Variants in ASCC3 observed in about 807,000 individuals in gnomAD.
The protein encoded by ASCC3 is ASC-1 complex subunit P200.
Under a neutral mutation model 256.3 loss-of-function variants are expected in ASCC3, and 158 were observed. The observed-to-expected ratio is 0.62, with a 90% CI of 0.54 to 0.70. The LOEUF (loss-of-function observed/expected upper bound fraction) is 0.70. ASCC3 is among the 30% of genes least tolerant of loss of function. The pLI is 0.00. For missense variants in ASCC3, 2,259 were observed against 2,626.0 expected, an observed-to-expected ratio of 0.86 and a Z score of 3.05; for synonymous variants, 948 against 883.4, an observed-to-expected ratio of 1.07 and a Z score of -1.30.
intron 16 of ASCC3, 79 bp downstream of exon 16, chr6:100,661,727 A>T: frequency 6.9e-7 from 1 of 1,449,584 alleles, no homozygotes; most frequent in Non-Finnish European, 9.7e-7. Flanking sequence ...ACAAAACAGC[A>T]ACCAACTCAA....
intron 34 of ASCC3, among the ~76,000 whole-genome samples, chr6:100,594,023 A>C (rs1304384237): frequency 6.6e-6 from 1 of 152,108 alleles, no homozygotes; most frequent in Non-Finnish European, 1.5e-5. Flanking sequence ...ATACACACAC[A>C]GACACACACA....
At chr6:100,653,800 T>TA (rs1775788105) in intron 17 of ASCC3, among the ~76,000 whole-genome samples, 1 of 152,044 alleles carries the variant, frequency 6.6e-6, no homozygotes, top group Non-Finnish European at 1.5e-5. Context: ...TAATAAAACA[T>TA]AAGATATTAA....
chr6:100,610,677 AT>A (rs1773347967), intron 30 of ASCC3, among the ~76,000 whole-genome samples: 1 of 152,150 alleles, frequency 6.6e-6, no homozygotes, highest in Non-Finnish European at 1.5e-5. Flanking sequence ...GTATTCTTGT[AT>A]TATTTACTTT....
At chr6:100,879,332 T>C (rs1769164587) in intron 1 of ASCC3, among the ~76,000 whole-genome samples, 1 of 152,284 alleles carries the variant, frequency 6.6e-6, no homozygotes, top group Admixed American at 6.5e-5. Context: ...CTTTGGCCAC[T>C]GGTGATCAAC....
intron 13 of ASCC3, among the ~76,000 whole-genome samples, chr6:100,713,424 C>T (rs1384202837): frequency 6.6e-6 from 1 of 152,074 alleles, no homozygotes; most frequent in African/African-American, 2.4e-5. Flanking sequence ...GACAGAAAAA[C>T]AGGCTTAACA....
chr6:100,680,293 C>T (rs1369349394), intron 13 of ASCC3, among the ~76,000 whole-genome samples: 4 of 152,132 alleles, frequency 2.6e-5, no homozygotes, highest in African/African-American at 7.2e-5. Context: ...CATGAAGTGA[C>T]TGGGGATATC....
intron 12 of ASCC3, among the ~76,000 whole-genome samples, chr6:100,716,543 C>T (rs949319504): frequency 8.6e-5 from 13 of 151,828 alleles, no homozygotes; most frequent in African/African-American, 2.9e-4. Flanking sequence ...TGACCTATAA[C>T]GGCTAAGTAG....
chr6:100,791,790 C>A (rs1033883094), intron 8 of ASCC3, among the ~76,000 whole-genome samples: 1 of 151,946 alleles, frequency 6.6e-6, no homozygotes, highest in Non-Finnish European at 1.5e-5. Flanking sequence ...CCAAACATGG[C>A]AAACTTGTTT....
chr6:100,609,691 G>A (rs1773294483), intron 30 of ASCC3, among the ~76,000 whole-genome samples: 1 of 152,050 alleles, frequency 6.6e-6, no homozygotes, highest in Admixed American at 6.6e-5. Flanking sequence ...ATCATGTAAG[G>A]TTTGAGGTCA....
chr6:100,599,607 T>C (rs1204064330), intron 34 of ASCC3, among the ~76,000 whole-genome samples: 1 of 151,924 alleles, frequency 6.6e-6, no homozygotes, highest in Non-Finnish European at 1.5e-5. Flanking sequence ...GGGTGAAGGG[T>C]ATACAGTGCT....
intron 10 of ASCC3, among the ~76,000 whole-genome samples, chr6:100,764,458 T>C (rs1781557302): frequency 6.6e-6 from 1 of 152,122 alleles, no homozygotes; most frequent in Non-Finnish European, 1.5e-5. Context: ...AAAGCAAAAA[T>C]GGCCTGACTA....
intron 30 of ASCC3, among the ~76,000 whole-genome samples, chr6:100,610,676 T>C (rs1240209408): frequency 1.3e-5 from 2 of 152,166 alleles, no homozygotes; most frequent in Non-Finnish European, 1.5e-5. Flanking sequence ...AGTATTCTTG[T>C]ATTATTTACT....
chr6:100,681,236 A>G (rs1328330701), intron 13 of ASCC3, among the ~76,000 whole-genome samples: 4 of 152,180 alleles, frequency 2.6e-5, no homozygotes, highest in African/African-American at 7.2e-5. Flanking sequence ...TAATTTGTAG[A>G]AGATAAGAAG....
At chr6:100,748,658 T>C (rs1362563722) in intron 10 of ASCC3, among the ~76,000 whole-genome samples, 1 of 152,042 alleles carries the variant, frequency 6.6e-6, no homozygotes. Context: ...CTGCTCAATA[T>C]TCCTTTAAAA....
intron 36 of ASCC3, among the ~76,000 whole-genome samples, chr6:100,568,245 A>G (rs1310451320): frequency 1.3e-5 from 2 of 151,756 alleles, no homozygotes; most frequent in African/African-American, 4.8e-5. Flanking sequence ...GTGGGCGCCT[A>G]TAATCCCAGC....
intron 24 of ASCC3, among the ~76,000 whole-genome samples, chr6:100,639,779 A>G (rs1254823032): frequency 6.6e-6 from 1 of 152,144 alleles, no homozygotes; most frequent in African/African-American, 2.4e-5. Flanking sequence ...CTAACGACAT[A>G]CTTTCTACAC....
chr6:100,880,030 C>T lies in ASCC3; in HGVS notation c.-42+1031G>A, dbSNP rs13362729. Among the ~76,000 whole-genome samples, 736 of 152,210 alleles carry T rather than the reference C, an allele frequency of 4.8e-3. 9 individuals carry two copies. The highest frequency in any genetic ancestry group is 0.017 in the African/African-American group (712 of 41,510). On this transcript the variant is annotated intron_variant, in intron 1 of 41. Transcript: ENST00000369162. Reference sequence around the variant, plus strand: ...TCTTGCTCTCCTAGGCCTAGCCCAGCGTTTGACACATAGGAAGACTTGAAT... The same window carrying T: ...TCTTGCTCTCCTAGGCCTAGCCCAGTGTTTGACACATAGGAAGACTTGAAT...
chr6:100,683,480 T>A (rs577899108), intron 13 of ASCC3, among the ~76,000 whole-genome samples: 21 of 148,614 alleles, frequency 1.4e-4, no homozygotes, highest in South Asian at 2.2e-4. Context: ...CCCTTTTTTT[T>A]AATTAAAAAT....
At chr6:100,586,698 C>T (rs1271971202) in intron 36 of ASCC3, among the ~76,000 whole-genome samples, 4 of 152,172 alleles carry the variant, frequency 2.6e-5, no homozygotes, top group Non-Finnish European at 5.9e-5. Flanking sequence ...GAGCTGTAGA[C>T]CTGAGCTGTT....
Sources: allele counts gnomAD v4.1 joint callset (sites outside exome capture counted in the v4.1 genomes callset), GRCh38; gene constraint gnomAD v4.1.1; transcripts MANE v1.5; gene names NCBI Gene and HGNC (gene_info 2026-07-23, HGNC 2026-07-21).